The following EMX1 variants were observed in gnomAD, a reference collection of about 807,000 sequenced individuals.
The protein encoded by EMX1 is empty spiracles homeobox 1.
A neutral mutation model predicts 20.1 loss-of-function variants in EMX1; 10 were observed. The observed-to-expected ratio is 0.50, with a 90% CI of 0.31 to 0.84. The LOEUF (loss-of-function observed/expected upper bound fraction) is 0.84, where lower values mean the gene tolerates loss of function less well. Ranked by LOEUF, EMX1 falls within the 40% of genes least tolerant of loss-of-function variation. The probability of loss-of-function intolerance (pLI) is 0.05; values close to 1 mark genes in which losing one functional copy is unlikely to be tolerated. For missense variants in EMX1, 424 were observed against 431.9 expected, an observed-to-expected ratio of 0.98 and a Z score of 0.16; for synonymous variants, 250 against 200.4, an observed-to-expected ratio of 1.25 and a Z score of -2.09.
chr2:72,925,122 AG>A (rs1205587180), intron 2 of EMX1, among the ~76,000 whole-genome samples: 4 of 152,158 alleles, frequency 2.6e-5, no homozygotes, highest in African/African-American at 9.7e-5. Flanking sequence ...GGGCTGTGGA[AG>A]CCACGGTGTG....
intron 2 of EMX1, chr2:72,925,972 A>C: frequency 1.0e-6 from 1 of 985,332 alleles, no homozygotes; most frequent in Non-Finnish European, 1.2e-6. Flanking sequence ...ATGTGTTTTT[A>C]AAAATAAGTT....
intron 1 of EMX1, 96 bp downstream of exon 1, chr2:72,918,468 T>G: frequency 6.8e-6 from 9 of 1,319,098 alleles, no homozygotes; most frequent in Non-Finnish European, 8.7e-6. Context: ...TGTTTAGAAG[T>G]TACTGCCGGG....
intron 1 of EMX1, among the ~76,000 whole-genome samples, chr2:72,919,949 C>G (rs1286467124): frequency 1.3e-5 from 2 of 152,204 alleles, no homozygotes; most frequent in Non-Finnish European, 2.9e-5. Flanking sequence ...GCCCAGGGGC[C>G]GAGTTGTAGT....
At chr2:72,925,538 G>C in intron 2 of EMX1, 1 of 1,288,528 alleles carries the variant, frequency 7.8e-7, no homozygotes, top group Non-Finnish European at 1.0e-6. Flanking sequence ...AGAGTTGCGA[G>C]AGGCCGGCTC....
At chr2:72,926,441 T>A in intron 2 of EMX1, 5 of 410,010 alleles carry the variant, frequency 1.2e-5, no homozygotes, top group Non-Finnish European at 1.6e-5. Context: ...AATGAGCTGC[T>A]TTTTGCATAT....
At chr2:72,919,309 C>G (rs1025439349) in intron 1 of EMX1, among the ~76,000 whole-genome samples, 3 of 146,862 alleles carry the variant, frequency 2.0e-5, no homozygotes, top group Admixed American at 1.3e-4. Flanking sequence ...TTGTTTTTTT[C>G]TTTTCTTTTT....
chr2:72,916,949 C>T (rs1311160506), upstream of EMX1: 3 of 717,258 alleles, frequency 4.2e-6, no homozygotes, highest in East Asian at 2.7e-5. Context: ...CGCCTGGCCC[C>T]TTGTGAAGGG....
In EMX1 at chr2:72,934,154, C is replaced by G. The variant is rs1258326091; in HGVS notation, c.*200C>G. 1.3e-6 allele frequency: 1 copy of G among 753,408 alleles called. No individual in the cohort carries two copies. The highest frequency in any genetic ancestry group is 2.0e-6 in the Non-Finnish European group (1 of 494,414). The allele number at this position is 753,408 out of a possible 1,614,324, so 46.7% of individuals were successfully genotyped here. A position where few individuals can be genotyped will look rare whatever the true frequency, so the allele number is the denominator to read the frequency against. ...CTGGCTGAGGCCTGGGACCACTTGG[C>G]CTTCTCCTCGGAGAGCCTGCCTGCC... is the stretch of plus-strand genomic sequence containing the variant. On this transcript the variant is annotated 3_prime_UTR_variant, in exon 3 of 3. Transcript: ENST00000258106.
chr2:72,917,462 C>T (rs1331614365), upstream of EMX1: 1 of 198,254 alleles, frequency 5.0e-6, no homozygotes, highest in Admixed American at 5.5e-5. Flanking sequence ...CGCCCCGCCC[C>T]CCACCTTGGG....
In EMX1 at chr2:72,917,859, C is replaced by T; in HGVS notation, c.7C>T (p.Leu3=). 3 of 1,463,816 alleles carry T rather than the reference C, an allele frequency of 2.0e-6. No homozygotes were observed. Among genetic ancestry groups the T allele is most frequent in the Non-Finnish European group, 2.7e-6 (3 of 1,114,764 alleles). The allele number at this position is 1,463,816 out of a possible 1,614,324, so 90.7% of individuals were successfully genotyped here. MC[L]AGCTPRKAAA... ...GGGGTGCGGGCGGGTGTGCATGTGCCTGGCTGGGTGCACACCCCGCAAGGC... is the reference window on the plus strand; with the variant it reads ...GGGGTGCGGGCGGGTGTGCATGTGCTTGGCTGGGTGCACACCCCGCAAGGC... The change falls in exon 1 of 3, where the codon CTG becomes TTG. Residue 3 remains leucine (L), a synonymous_variant. Coordinates refer to ENST00000258106, the MANE Select transcript of EMX1 (RefSeq NM_004097.3).
At chr2:72,922,799 G>A (rs1671126483) in intron 1 of EMX1, among the ~76,000 whole-genome samples, 1 of 152,216 alleles carries the variant, frequency 6.6e-6, no homozygotes, top group African/African-American at 2.4e-5. Context: ...CACTTACATA[G>A]ATGTTTCCAG....
intron 2 of EMX1, chr2:72,926,167 T>C (rs1671197242): frequency 1.0e-6 from 1 of 985,420 alleles, no homozygotes; most frequent in Admixed American, 6.1e-5. Context: ...GATTAACACT[T>C]GTTGAAATAA....
In EMX1 at chr2:72,924,311, A is replaced by G. The variant is rs1012379438; in HGVS notation, c.523A>G (p.Ser175Gly). Residue 175 changes from serine (S) to glycine (G), a missense_variant and splice_region_variant, in exon 2 of 3, where the codon AGC becomes GGC. Around this residue, in one of 2 missense-constraint regions of EMX1, gnomAD observed 333 missense variants for 296.6 expected, o/e 1.12. Coordinates refer to ENST00000258106, the MANE Select transcript of EMX1 (RefSeq NM_004097.3). ...NRFFGHRFQA[S>G]DVPQDGLLLH... ...TGCCGTCGGCGGCGGGGCCGCAGCC[A>G]GCGACGTGCCCCAGGACGGGCTGCT... The G allele has an allele frequency of 2.6e-5, 41 of 1,563,118 alleles. No homozygotes were observed. Among genetic ancestry groups the G allele is most frequent in the Non-Finnish European group, 3.2e-5 (37 of 1,162,330 alleles).
chr2:72,933,885 C>T lies in EMX1; in HGVS notation c.804C>T (p.His268=), dbSNP rs753624657. The change falls in exon 3 of 3, where the codon CAC becomes CAT. Residue 268 remains histidine (H), a synonymous_variant. Coordinates refer to ENST00000258106, the MANE Select transcript of EMX1 (RefSeq NM_004097.3). The stretch of plus-strand genomic sequence containing the variant: ...AGCAGAAGAAGAAGGGCTCCCATCA[C>T]ATCAACCGGTGGCGCATTGCCACGA... ...ESEQKKKGSH[H]INRWRIATKQ... 4 of 1,614,276 alleles carry T rather than the reference C, an allele frequency of 2.5e-6. No individual in the cohort carries two copies. Among genetic ancestry groups the T allele is most frequent in the Non-Finnish European group, 3.4e-6 (4 of 1,180,048 alleles).
rs1370639726 is a variant in EMX1 at position 72,930,818 on chromosome 2, C to T, written c.706-2969C>T. Reference sequence around the variant, plus strand: ...TTTTCTTTTTCCAAGTAAAAAATAACTACCATTATCAATAATCTATTAAGG... The same window carrying T: ...TTTTCTTTTTCCAAGTAAAAAATAATTACCATTATCAATAATCTATTAAGG... On this transcript the variant is annotated intron_variant, in intron 2 of 2. Transcript: ENST00000258106. This position sits in a 1 kb window ranked among gnomAD's most constrained non-coding sequence, Gnocchi z 4.4. Among the ~76,000 whole-genome samples the T allele has an allele frequency of 6.6e-6, 1 of 152,186 alleles. No homozygotes were observed. Among genetic ancestry groups the T allele is most frequent in the Non-Finnish European group, 1.5e-5 (1 of 68,028 alleles).
chr2:72,932,711 C>T (rs1471729339), intron 2 of EMX1, among the ~76,000 whole-genome samples: 1 of 152,166 alleles, frequency 6.6e-6, no homozygotes, highest in Non-Finnish European at 1.5e-5. Flanking sequence ...CTGCCCTCTG[C>T]CTCATGCCTC....
upstream of EMX1, chr2:72,916,472 C>T (rs951892560): frequency 1.5e-5 from 9 of 588,336 alleles, no homozygotes; most frequent in Non-Finnish European, 2.4e-5. Context: ...GGAGCGGCGC[C>T]TTTCTGCGGC....
chr2:72,916,703 C>T (rs1302615454), upstream of EMX1: 2 of 717,190 alleles, frequency 2.8e-6, no homozygotes, highest in Non-Finnish European at 2.6e-6. Flanking sequence ...GGCTACTTGG[C>T]CAGCTTCAAT....
intron 2 of EMX1, among the ~76,000 whole-genome samples, chr2:72,927,208 T>C (rs1671219497): frequency 1.3e-5 from 2 of 152,278 alleles, no homozygotes; most frequent in African/African-American, 2.4e-5. Context: ...CTTTGTCATC[T>C]ATTTTACCTT....
Sources: gnomAD v4.1 joint callset for allele counts (sites outside exome capture counted in the v4.1 genomes callset) on GRCh38, gnomAD v4.1.1 for gene constraint, gnomAD v4.1.1 regional missense constraint, Gnocchi (gnomAD v3.1) non-coding constraint, MANE v1.5 for transcripts, NCBI Gene and HGNC (gene_info 2026-07-23, HGNC 2026-07-21) for gene names.